The following LTK variants were observed in gnomAD, a reference collection of about 807,000 sequenced individuals.
LTK encodes leukocyte receptor tyrosine kinase.
LTK carries 117 observed loss-of-function variants against 101.5 expected under a neutral mutation model. That is an observed-to-expected ratio of 1.15 (90% CI 0.99 to 1.34). LTK has a LOEUF of 1.34. Among genes scored for constraint, LTK ranks in the 40% most tolerant of loss-of-function variants. The probability of loss-of-function intolerance (pLI) is 0.00; values close to 1 mark genes in which losing one functional copy is unlikely to be tolerated. For synonymous variants in LTK, 563 were observed against 494.2 expected (o/e 1.14, Z -1.85); for missense variants, 1,252 against 1,164.7 (o/e 1.07, Z -1.09).
Position 41,505,293 on chromosome 15 carries a change from G to A in LTK, c.1840C>T (p.Pro614Ser). Residue 614 changes from proline (P) to serine (S), a missense_variant, in exon 15 of 20, where the codon CCT becomes TCT. By Grantham distance (74) the Pro-to-Ser change is moderately conservative. Transcript: ENST00000263800. ...HSRPHLGQPS[P>S]LVMRDLLQLA... ...TGCAGCAGGTCCCGCATGACCAGAG[G>A]TGATGGCTGGCCCTGGGTCAGGCAG... The A allele has an allele frequency of 6.2e-7, 1 of 1,614,036 alleles. No individual in the cohort carries two copies. The highest frequency in any genetic ancestry group is 1.1e-5 in the South Asian group (1 of 91,072).
At chr15:41,507,760 A>T (rs1438832334) in intron 9 of LTK, 103 bp from the exon 10 acceptor site, 4 of 1,268,338 alleles carry the variant, frequency 3.2e-6, no homozygotes. Flanking sequence ...TAATTTTTCC[A>T]TGATGCCTTC....
rs981181801 is a variant in LTK at position 41,511,958 on chromosome 15, G to C, written c.516C>G (p.Ser172Arg). ...QQGEDACPGGSPESQLVCLGE... is the reference protein window; with the variant it reads ...QQGEDACPGGRPESQLVCLGE... ...CGAGGCAGACGAGCTGGCTCTCCGG[G>C]CTACCCTGCGGGCAGCGGGGGAGGG... The change falls in exon 5 of 20, where the codon AGC becomes AGG. Residue 172 changes from serine (S) to arginine (R), a missense_variant. By Grantham distance (110) the Ser-to-Arg change is moderately radical (BLOSUM62 -1). Coordinates refer to ENST00000263800, the MANE Select transcript of LTK (RefSeq NM_002344.6). This position sits in a 1 kb window ranked among gnomAD's most constrained non-coding sequence, Gnocchi z 5.9. The C allele has an allele frequency of 6.7e-7, 1 of 1,484,660 alleles. No homozygotes were observed. The highest frequency in any genetic ancestry group is 1.5e-5 in the African/African-American group (1 of 68,614). The allele number at this position is 1,484,660 out of a possible 1,614,324, so 92.0% of individuals were successfully genotyped here.
At chr15:41,507,054 T>C in intron 11 of LTK, 41 bp downstream of exon 11, 1 of 1,563,712 alleles carries the variant, frequency 6.4e-7, no homozygotes, top group East Asian at 2.2e-5. Flanking sequence ...GAGGTGGGGA[T>C]TCAGAGTGCA....
chr15:41,504,012 G>C lies in LTK; in HGVS notation c.2579C>G (p.Pro860Arg), dbSNP rs1378089524. The change falls in exon 20 of 20, where the codon CCC (proline) becomes CGC (arginine). Residue 860 changes from proline to arginine, a missense_variant. Coordinates refer to ENST00000263800, the MANE Select transcript of LTK (RefSeq NM_002344.6). ...RGLQPQNLWN[P>R]TYRS ...CCTTGGGGCTCAGGAGCGATAAGTG[G>C]GATTCCAAAGGTTCTGAGGTTGGAG... 6.2e-7 allele frequency: 1 copy of C among 1,606,328 alleles called. No homozygotes were observed. Among genetic ancestry groups the C allele is most frequent in the Non-Finnish European group, 8.5e-7 (1 of 1,176,684 alleles).
chr15:41,511,191 C>A lies in LTK; in HGVS notation c.970G>T (p.Ala324Ser). Residue 324 changes from alanine to serine, a missense_variant, in exon 7 of 20, where the codon GCG becomes TCG. Physicochemically the swap from Ala to Ser is moderately conservative, Grantham distance 99. Coordinates refer to ENST00000263800, the MANE Select transcript of LTK (RefSeq NM_002344.6). This position sits in a 1 kb window ranked among gnomAD's most constrained non-coding sequence, Gnocchi z 5.9. The stretch of plus-strand genomic sequence containing the variant: ...CTGTAGCCGCCGCCGCCTCCGCCCG[C>A]AGTGCAGGCCCCGCCGCCGCCCCCG... Reference protein sequence around the residue: ...GFGGGGGACTAGGGGGGYRGG... With the variant: ...GFGGGGGACTSGGGGGGYRGG... 1 of 1,399,966 alleles carries A rather than the reference C, an allele frequency of 7.1e-7. No individual in the cohort carries two copies. The highest frequency in any genetic ancestry group is 9.2e-7 in the Non-Finnish European group (1 of 1,085,738). The allele number at this position is 1,399,966 out of a possible 1,614,324, so 86.7% of individuals were successfully genotyped here.
In LTK at chr15:41,508,343, C is replaced by T. The variant is rs1409514753; in HGVS notation, c.1097-122G>A. The T allele has an allele frequency of 8.1e-6, 6 of 742,988 alleles. No individual in the cohort carries two copies. In the Admixed American group the frequency reaches 1.0e-4, roughly 13 times the overall value. The allele number at this position is 742,988 out of a possible 1,614,324, so 46.0% of individuals were successfully genotyped here. A position where few individuals can be genotyped will look rare whatever the true frequency, so the allele number is the denominator to read the frequency against. ...TTGCACTTTGGGAGGCCGTGGTGAGCGGATCACCGGAGGTCAGAAGTTCAA... is the reference window on the plus strand; with the variant it reads ...TTGCACTTTGGGAGGCCGTGGTGAGTGGATCACCGGAGGTCAGAAGTTCAA... On this transcript the variant is annotated intron_variant, in intron 8 of 19. Transcript: ENST00000263800.
chr15:41,503,883 A>G lies in LTK; in HGVS notation c.*113T>C, dbSNP rs576757097. ...AGCCCCGAGACAGGCCCAGACACAC[A>G]GCACAGACTGCAGGGAACAGAGGCC... is the stretch of plus-strand genomic sequence containing the variant. On this transcript the variant is annotated 3_prime_UTR_variant, in exon 20 of 20. Transcript: ENST00000263800. 10 of 1,263,072 alleles carry G rather than the reference A, an allele frequency of 7.9e-6. No individual in the cohort carries two copies. 78.2% of individuals were successfully genotyped at this position (1,263,072 alleles called of 1,614,324 possible).
At chr15:41,510,117 C>A (rs555420292) in intron 7 of LTK, among the ~76,000 whole-genome samples, 1 of 151,900 alleles carries the variant, frequency 6.6e-6, no homozygotes, top group Non-Finnish European at 1.5e-5. Flanking sequence ...AGCGATTTTC[C>A]TGTCTCAGCT....
In LTK at chr15:41,503,975, AC is replaced by A; in HGVS notation, c.*20del. 2 of 1,574,800 alleles carry A rather than the reference AC, an allele frequency of 1.3e-6. No homozygotes were observed. Among genetic ancestry groups the A allele is most frequent in the East Asian group, 2.2e-5 (1 of 44,560 alleles). On this transcript the variant is annotated 3_prime_UTR_variant, in exon 20 of 20. Transcript: ENST00000263800. ...AGGGACCCTCAGTGCCTCAGTCCTT[AC>A]CCTCAGGGCCCCTTGGGGCTCAGGA...
chr15:41,505,065 C>A lies in LTK; in HGVS notation c.1926-1G>T. The A allele has an allele frequency of 6.2e-7, 1 of 1,610,048 alleles. No homozygotes were observed. The highest frequency in any genetic ancestry group is 8.5e-7 in the Non-Finnish European group (1 of 1,177,724). Reference sequence around the variant, plus strand: ...CAGGCAGTTCCGGGCGGCAATATCCCTACAGAGTAGGCAAAAAAAATCACT... The same window carrying A: ...CAGGCAGTTCCGGGCGGCAATATCCATACAGAGTAGGCAAAAAAAATCACT... On this transcript the variant is annotated splice_acceptor_variant, in intron 15 of 19. Coordinates refer to ENST00000263800, the MANE Select transcript of LTK (RefSeq NM_002344.6). LOFTEE classifies it high-confidence loss of function.
Position 41,507,605 on chromosome 15 carries a change from G to A in LTK, c.1302C>T (p.Thr434=). 2.5e-6 allele frequency: 4 copies of A among 1,614,010 alleles called. No individual in the cohort carries two copies. Among genetic ancestry groups the A allele is most frequent in the Non-Finnish European group, 3.4e-6 (4 of 1,179,998 alleles). Residue 434 remains threonine (T), a synonymous_variant, in exon 10 of 20, where the codon ACC becomes ACT. Coordinates refer to ENST00000263800, the MANE Select transcript of LTK (RefSeq NM_002344.6). ...PLVLMVAVVA[T]STLSLLMVCG... ...ACACCATAAGGAGGCTCAGTGTTGA[G>A]GTTGCCACCACAGCCACCATCAGAA...
chr15:41,509,147 T>C lies in LTK; in HGVS notation c.998-18A>G. On this transcript the variant is annotated intron_variant, in intron 7 of 19. Transcript: ENST00000263800. The stretch of plus-strand genomic sequence containing the variant: ...GTCGCCCCCTGGAAGTGGAGAGTGA[T>C]GGAGAGTTTGACTACAAAAATGGGG... 2.0e-6 allele frequency: 3 copies of C among 1,513,354 alleles called. No homozygotes were observed. Among genetic ancestry groups the C allele is most frequent in the Non-Finnish European group, 1.8e-6 (2 of 1,088,446 alleles). 93.7% of individuals were successfully genotyped at this position (1,513,354 alleles called of 1,614,324 possible).
rs575303573 is a variant in LTK, at chr15:41,512,250, T to A, written c.375A>T (p.Gly125=). Residue 125 remains glycine, a synonymous_variant, in exon 4 of 20, where the codon GGA becomes GGT. Transcript: ENST00000263800. ...GPGQYLISAY[G]AAGGKGAKNH... ...TCTTGGCGCCTTTGCCGCCCGCGGCTCCGTAGGCTGAGATCCTGCGGGGAA... is the reference window on the plus strand; with the variant it reads ...TCTTGGCGCCTTTGCCGCCCGCGGCACCGTAGGCTGAGATCCTGCGGGGAA... 15 of 1,612,248 alleles carry A rather than the reference T, an allele frequency of 9.3e-6. No homozygotes were observed. The South Asian group carries it at 1.5e-4, about 17-fold the overall frequency.
Position 41,507,294 on chromosome 15 carries a change from G to C in LTK, c.1346-4C>G, listed in dbSNP as rs199683834. The C allele has an allele frequency of 2.5e-6, 4 of 1,590,886 alleles. No individual in the cohort carries two copies. Among genetic ancestry groups the C allele is most frequent in the Non-Finnish European group, 2.6e-6 (3 of 1,168,810 alleles). The stretch of plus-strand genomic sequence containing the variant: ...CCCTGCCACTTCTTCTGCTTCACTG[G>C]GGGTGGGAAGAATAACGGCACACCC... On this transcript the variant is annotated splice_polypyrimidine_tract_variant and splice_region_variant and intron_variant, in intron 10 of 19. Coordinates refer to ENST00000263800, the MANE Select transcript of LTK (RefSeq NM_002344.6).
At chr15:41,512,029 G>A (rs1460731293) in intron 4 of LTK, 66 bp from the exon 5 acceptor site, 47 of 1,468,818 alleles carry the variant, frequency 3.2e-5, no homozygotes, top group Non-Finnish European at 3.9e-5. Context: ...TGGTGACCCG[G>A]CACCGAGGAA....
intron 4 of LTK, 48 bp from the exon 5 acceptor site, chr15:41,512,011 C>T (rs1041668335): frequency 1.2e-5 from 17 of 1,446,946 alleles, no homozygotes; most frequent in African/African-American, 4.4e-5. Context: ...AGCCTCCCCT[C>T]GCTGTGCTGG....
chr15:41,508,254 G>A (rs2051349789), intron 8 of LTK, 33 bp from the exon 9 acceptor site: 3 of 1,585,252 alleles, frequency 1.9e-6, no homozygotes, highest in Admixed American at 1.7e-5. Flanking sequence ...GATATGGTGT[G>A]GTAGGGCTGG....
intron 10 of LTK, 46 bp downstream of exon 10, chr15:41,507,516 G>C (rs781291115): frequency 9.4e-6 from 15 of 1,601,720 alleles, no homozygotes; most frequent in Middle Eastern, 1.6e-4. Flanking sequence ...CAGCTCACTG[G>C]AGAGGAGCAG....
intron 11 of LTK, among the ~76,000 whole-genome samples, chr15:41,506,842 G>A (rs998932860): frequency 1.1e-4 from 17 of 152,108 alleles, no homozygotes; most frequent in Admixed American, 5.9e-4. Flanking sequence ...TGCCTGCCTC[G>A]ACCTCCCAAA....
Sources: gnomAD v4.1 joint callset for allele counts (sites outside exome capture counted in the v4.1 genomes callset) on GRCh38, gnomAD v4.1.1 for gene constraint, Gnocchi (gnomAD v3.1) non-coding constraint, MANE v1.5 for transcripts, NCBI Gene and HGNC (gene_info 2026-07-23, HGNC 2026-07-21) for gene names.